Variants in PLA1A observed in about 807,000 individuals in gnomAD.
The protein encoded by PLA1A is phosphatidylserine-specific phospholipase A1alpha.
Under a neutral mutation model 49.4 loss-of-function variants are expected in PLA1A, and 47 were observed. The observed-to-expected ratio is 0.95, with a 90% confidence interval of 0.75 to 1.21. The LOEUF is 1.21. Ranked by LOEUF, PLA1A falls within the 50% of genes most tolerant of loss-of-function variation. The pLI is 0.00. For synonymous variants in PLA1A, 224 were observed against 207.9 expected (o/e 1.08, Z -0.67); for missense variants, 561 against 563.9 (o/e 0.99, Z 0.05).
At chr3:119,626,391 C>T (rs776777362) in intron 9 of PLA1A, among the ~76,000 whole-genome samples, 1 of 152,216 alleles carries the variant, frequency 6.6e-6, no homozygotes, top group Non-Finnish European at 1.5e-5. Flanking sequence ...CTGAGAGTGA[C>T]AGCATAGAAG....
chr3:119,603,767 T>A (rs1217786531), intron 1 of PLA1A, among the ~76,000 whole-genome samples: 1 of 152,230 alleles, frequency 6.6e-6, no homozygotes, highest in Non-Finnish European at 1.5e-5. Flanking sequence ...AGAATAAATT[T>A]TATAAGGTGC....
At chr3:119,618,362 C>T (rs764756344) in intron 7 of PLA1A, among the ~76,000 whole-genome samples, 176 bp downstream of exon 7, 4 of 152,168 alleles carry the variant, frequency 2.6e-5, no homozygotes, top group African/African-American at 7.2e-5. Flanking sequence ...GGTTGGTTCT[C>T]GTGCCCCACC....
At chr3:119,615,292 T>C (rs1045878497) in intron 5 of PLA1A, among the ~76,000 whole-genome samples, 1 of 152,178 alleles carries the variant, frequency 6.6e-6, no homozygotes, top group African/African-American at 2.4e-5. Context: ...TTATCTCCGC[T>C]CTGGAGCCAT....
chr3:119,600,864 C>T (rs187550337), intron 1 of PLA1A, among the ~76,000 whole-genome samples: 61 of 152,366 alleles, frequency 4.0e-4, no homozygotes, highest in Non-Finnish European at 6.2e-4. Flanking sequence ...GCCCATAGTG[C>T]TGAGCTGGTG....
chr3:119,606,957 T>C lies in PLA1A; in HGVS notation c.257T>C (p.Leu86Pro). 1 of 1,613,658 alleles carries C rather than the reference T, an allele frequency of 6.2e-7. No homozygotes were observed. Among genetic ancestry groups the C allele is most frequent in the Non-Finnish European group, 8.5e-7 (1 of 1,179,548 alleles). Residue 86 changes from leucine (L) to proline (P), a missense_variant, in exon 2 of 11, where the codon CTA becomes CCA. Coordinates refer to ENST00000273371, the MANE Select transcript of PLA1A (RefSeq NM_015900.4). Reference sequence around the variant, plus strand: ...TTCAATGCCACTCTGGGAACCAAACTAATTATCCATGGATTCAGGTGGGAG... The same window carrying C: ...TTCAATGCCACTCTGGGAACCAAACCAATTATCCATGGATTCAGGTGGGAG... ...SGFNATLGTK[L>P]IIHGFRVLGT...
At chr3:119,610,190 G>A (rs1293623394) in intron 4 of PLA1A, among the ~76,000 whole-genome samples, 2 of 152,182 alleles carry the variant, frequency 1.3e-5, no homozygotes, top group Non-Finnish European at 2.9e-5. Context: ...ATTCCATAGG[G>A]TATATGTACC....
At chr3:119,612,285 G>A (rs1262765994) in intron 4 of PLA1A, among the ~76,000 whole-genome samples, 1 of 152,126 alleles carries the variant, frequency 6.6e-6, no homozygotes, top group Non-Finnish European at 1.5e-5. Context: ...AGGGGGAAGG[G>A]AAGGGATCCA....
Position 119,608,926 on chromosome 3 carries a change from C to G in PLA1A, c.432C>G (p.Ser144=). The change falls in exon 3 of 11, where the codon TCC becomes TCG. Residue 144 remains serine, a synonymous_variant. Transcript: ENST00000273371. ...KNVIKLSLEI[S]LFLNKLLVLG... is the part of the protein sequence containing the mutation. ...TGATTAAGTTGAGCCTCGAGATCTCCCTTTTCCTCAATAAACTCCTGGTAG... is the reference window on the plus strand; with the variant it reads ...TGATTAAGTTGAGCCTCGAGATCTCGCTTTTCCTCAATAAACTCCTGGTAG... 1 of 1,613,984 alleles carries G rather than the reference C, an allele frequency of 6.2e-7. No homozygotes were observed. Among genetic ancestry groups the G allele is most frequent in the Non-Finnish European group, 8.5e-7 (1 of 1,179,912 alleles).
intron 1 of PLA1A, among the ~76,000 whole-genome samples, chr3:119,606,263 T>C (rs891014771): frequency 1.3e-5 from 2 of 152,254 alleles, no homozygotes; most frequent in African/African-American, 4.8e-5. Flanking sequence ...TCCAGGACAC[T>C]GTCCTTGGCT....
intron 1 of PLA1A, among the ~76,000 whole-genome samples, chr3:119,600,993 C>T (rs1356873579): frequency 6.6e-6 from 1 of 152,214 alleles, no homozygotes; most frequent in Non-Finnish European, 1.5e-5. Flanking sequence ...GGCCTCCGCC[C>T]TCCTCCCCTC....
intron 9 of PLA1A, among the ~76,000 whole-genome samples, chr3:119,626,133 G>C (rs1215081702): frequency 6.6e-6 from 1 of 152,188 alleles, no homozygotes; most frequent in African/African-American, 2.4e-5. Context: ...CCCTAGGCTA[G>C]AGGGACAAAG....
At chr3:119,622,445 A>G (rs2082954926) in intron 8 of PLA1A, among the ~76,000 whole-genome samples, 1 of 152,204 alleles carries the variant, frequency 6.6e-6, no homozygotes, top group South Asian at 2.1e-4. Context: ...AGGGTGTGGT[A>G]TAAGATGTCC....
chr3:119,628,335 A>G (rs908782537), intron 9 of PLA1A, among the ~76,000 whole-genome samples: 1 of 152,252 alleles, frequency 6.6e-6, no homozygotes, highest in Non-Finnish European at 1.5e-5. Flanking sequence ...ATTCTTTGAA[A>G]AGGAATGTCC....
intron 1 of PLA1A, among the ~76,000 whole-genome samples, chr3:119,604,450 G>T (rs1019408047): frequency 3.3e-5 from 5 of 152,184 alleles, no homozygotes; most frequent in Admixed American, 6.5e-5. Flanking sequence ...AGGAAATCCT[G>T]CCATTTGCAG....
intron 4 of PLA1A, among the ~76,000 whole-genome samples, chr3:119,610,545 C>G (rs947905964): frequency 6.6e-6 from 1 of 151,826 alleles, no homozygotes; most frequent in East Asian, 1.9e-4. Context: ...GATGGTATAT[C>G]ATGGTGTGAT....
At chr3:119,598,073 AG>A in intron 1 of PLA1A, 87 bp downstream of exon 1, 1 of 815,678 alleles carries the variant, frequency 1.2e-6, no homozygotes, top group Non-Finnish European at 2.0e-6. Flanking sequence ...AACTTTTGGA[AG>A]ATCCCCTAAA....
chr3:119,610,533 G>A (rs917830426), intron 4 of PLA1A, among the ~76,000 whole-genome samples: 2 of 152,092 alleles, frequency 1.3e-5, no homozygotes, highest in Non-Finnish European at 2.9e-5. Flanking sequence ...TGAGTGGTGT[G>A]AGATGGTATA....
intron 2 of PLA1A, among the ~76,000 whole-genome samples, chr3:119,608,242 G>GAGAAAGAAAGAAAGAA (rs560277882): frequency 6.5e-5 from 8 of 123,726 alleles, no homozygotes; most frequent in Non-Finnish European, 1.2e-4. Context: ...GAAAGAAAGA[G>GAGAAAGAAAGAAAGAA]AGAAAGAAAG....
intron 1 of PLA1A, among the ~76,000 whole-genome samples, chr3:119,602,038 T>C (rs2107774849): frequency 6.6e-6 from 1 of 152,256 alleles, no homozygotes; most frequent in East Asian, 1.9e-4. Flanking sequence ...TGATGTACTT[T>C]GTGGTCTTGT....
Sources: allele counts gnomAD v4.1 joint callset (sites outside exome capture counted in the v4.1 genomes callset), GRCh38; gene constraint gnomAD v4.1.1; transcripts MANE v1.5; gene names NCBI Gene and HGNC (gene_info 2026-07-23, HGNC 2026-07-21).